Variants in ITGB2 observed in about 807,000 individuals in gnomAD.
ITGB2 encodes the protein integrin subunit beta 2.
In ITGB2, 56 loss-of-function variants were observed where a neutral mutation model predicts 86.8. The observed-to-expected ratio is 0.65, with a 90% CI of 0.52 to 0.81. ITGB2 has a LOEUF of 0.81. Ranked by LOEUF, ITGB2 falls within the 30% of genes least tolerant of loss-of-function variation. The pLI is 0.00. For missense variants in ITGB2, 948 were observed against 1,061.2 expected, an observed-to-expected ratio of 0.89 and a Z score of 1.48; for synonymous variants, 457 against 450.4, an observed-to-expected ratio of 1.01 and a Z score of -0.19.
rs1021483045 is a variant in ITGB2, at chr21:44,891,902, T to C, written c.1319A>G (p.Gln440Arg). ...ALGFTDIVTVQVLPQCECRCR... is the reference protein window; with the variant it reads ...ALGFTDIVTVRVLPQCECRCR... The stretch of plus-strand genomic sequence containing the variant: ...CCGGCACTCACACTGGGGAAGAACC[T>C]GCACGGTCACTATGTCCGTGAAGCC... The change falls in exon 11 of 16, where the codon CAG becomes CGG. Residue 440 changes from glutamine to arginine, a missense_variant. Physicochemically the swap from Gln to Arg is conservative, Grantham distance 43. Coordinates refer to ENST00000652462, the MANE Select transcript of ITGB2 (RefSeq NM_000211.5). The C allele has an allele frequency of 3.1e-6, 5 of 1,613,178 alleles. No individual in the cohort carries two copies. Among genetic ancestry groups the C allele is most frequent in the Admixed American group, 1.7e-5 (1 of 60,004 alleles).
exon 1 of ITGB2, chr21:44,928,760 T>C (rs113037763): frequency 0.061 from 10,018 of 163,608 alleles, 2,127 homozygotes; most frequent in African/African-American, 0.29. Flanking sequence ...TCATGGTTTC[T>C]GCCCAAACGG....
At chr21:44,914,215 C>T (rs2084171122) in intron 1 of ITGB2, 1 of 152,472 alleles carries the variant, frequency 6.6e-6, no homozygotes, top group Non-Finnish European at 1.5e-5. Context: ...GTGCAAAACC[C>T]AAAGCTGAGG....
At position 44,890,802 on chromosome 21, in the gene ITGB2, C is replaced by T. The variant is rs28659859; in HGVS notation, c.1413-580G>A. Among the ~76,000 whole-genome samples the T allele has an allele frequency of 2.5e-3, 377 of 152,224 alleles. 1 individual carries two copies. Among genetic ancestry groups the T allele is most frequent in the African/African-American group, 8.7e-3 (361 of 41,544 alleles). Reference sequence around the variant, plus strand: ...TCCCCAGAGGAGGAAGCTGCAGGACCGAGTGTCTGAGTACCTGTGGCAGGG... The same window carrying T: ...TCCCCAGAGGAGGAAGCTGCAGGACTGAGTGTCTGAGTACCTGTGGCAGGG... On this transcript the variant is annotated intron_variant, in intron 11 of 15. Transcript: ENST00000652462.
chr21:44,903,023 G>A lies in ITGB2; in HGVS notation c.499+342C>T, dbSNP rs186089759. Among the ~76,000 whole-genome samples the A allele has an allele frequency of 9.6e-4, 146 of 152,336 alleles. 3 individuals are homozygous for A. In the South Asian group the frequency reaches 0.014, roughly 14 times the overall value. On this transcript the variant is annotated intron_variant, in intron 5 of 15. Transcript: ENST00000652462. ...GTGTGGTTTCTTCAGTGCTGCCGTC[G>A]CTGTGCCGTCTATATGTGTTGTGGT...
intron 6 of ITGB2, 138 bp from the exon 7 acceptor site, chr21:44,900,613 AC>A: frequency 2.8e-6 from 3 of 1,054,790 alleles, no homozygotes; most frequent in Non-Finnish European, 4.1e-6. Context: ...GGTCTCAGGG[AC>A]CCAGCTGTGT....
intron 1 of ITGB2, 131 bp from the exon 2 acceptor site, chr21:44,910,916 G>A: frequency 1.1e-6 from 1 of 897,120 alleles, no homozygotes; most frequent in East Asian, 2.6e-5. Flanking sequence ...GTGGGTTAGG[G>A]TCAGGCCAGC....
At chr21:44,910,596 C>T in intron 2 of ITGB2, 129 bp downstream of exon 2, 1 of 1,383,476 alleles carries the variant, frequency 7.2e-7, no homozygotes, top group Non-Finnish European at 1.0e-6. Context: ...AGTCCCCGAC[C>T]TACCCCCAGT....
intron 9 of ITGB2, chr21:44,894,067 C>G: frequency 4.0e-6 from 1 of 249,264 alleles, no homozygotes. Context: ...TGAGAGGAGG[C>G]AGAGGGACAG....
At chr21:44,918,422 G>A (rs1051270443) in intron 1 of ITGB2, among the ~76,000 whole-genome samples, 2 of 152,258 alleles carry the variant, frequency 1.3e-5, no homozygotes, top group African/African-American at 4.8e-5. Flanking sequence ...ACAGACCTGG[G>A]CCTGGCAGGA....
At position 44,886,435 on chromosome 21, in the gene ITGB2, T is replaced by C. The variant is rs1452133660; in HGVS notation, c.2248-5A>G. ...GCTCTTGAAAAGGGGATTATCCTGG[T>C]GGGAAATGCAAACAGGGGCTTGTGA... On this transcript the variant is annotated splice_region_variant and splice_polypyrimidine_tract_variant and intron_variant, in intron 15 of 15. Coordinates refer to ENST00000652462, the MANE Select transcript of ITGB2 (RefSeq NM_000211.5). 11 of 1,613,902 alleles carry C rather than the reference T, an allele frequency of 6.8e-6. No individual in the cohort carries two copies. The highest frequency in any genetic ancestry group is 9.3e-6 in the Non-Finnish European group (11 of 1,179,878).
At chr21:44,905,397 G>C (rs1335860981) in intron 4 of ITGB2, among the ~76,000 whole-genome samples, 1 of 152,234 alleles carries the variant, frequency 6.6e-6, no homozygotes, top group East Asian at 1.9e-4. Context: ...ATGCATGCCA[G>C]GCCGTGGGCA....
chr21:44,919,027 G>GAGCGTCCCCTCTCCCTT (rs1568909693), intron 1 of ITGB2, among the ~76,000 whole-genome samples: 1 of 146,510 alleles, frequency 6.8e-6, no homozygotes, highest in African/African-American at 2.6e-5. Flanking sequence ...GGAGGCACCT[G>GAGCGTCCCCTCTCCCTT]CAGTTGCTCA....
rs1369578625 is a variant in ITGB2 at position 44,903,357 on chromosome 21, G to A, written c.499+8C>T. 1.9e-6 allele frequency: 3 copies of A among 1,613,918 alleles called. No individual in the cohort carries two copies. The highest frequency in any genetic ancestry group is 2.7e-5 in the African/African-American group (2 of 74,898). On this transcript the variant is annotated splice_region_variant and intron_variant, in intron 5 of 15. Coordinates refer to ENST00000652462, the MANE Select transcript of ITGB2 (RefSeq NM_000211.5). ...ACTGGGTTTTGTCCTGCAGTGCCTG[G>A]GCCTCACCAATGCGGCCGGACTCGG...
intron 1 of ITGB2, among the ~76,000 whole-genome samples, chr21:44,915,378 C>A (rs1241293892): frequency 6.6e-6 from 1 of 152,116 alleles, no homozygotes; most frequent in Non-Finnish European, 1.5e-5. Flanking sequence ...GCTTGAGGAA[C>A]CAGAGGCCCC....
At chr21:44,902,704 A>C (rs1379411965) in intron 5 of ITGB2, among the ~76,000 whole-genome samples, 1 of 141,736 alleles carries the variant, frequency 7.1e-6, no homozygotes, top group Non-Finnish European at 1.6e-5. Flanking sequence ...TTTGTGTGTG[A>C]GTGTGCATTG....
At chr21:44,899,328 T>C (rs1288974336) in intron 7 of ITGB2, among the ~76,000 whole-genome samples, 166 bp from the exon 8 acceptor site, 1 of 152,226 alleles carries the variant, frequency 6.6e-6, no homozygotes, top group Non-Finnish European at 1.5e-5. Flanking sequence ...GGCAGAGAGC[T>C]GCCACGCCCT....
Position 44,886,731 on chromosome 21 carries a change from C to T in ITGB2, c.2247+5G>A. The T allele has an allele frequency of 1.2e-6, 2 of 1,614,056 alleles. No homozygotes were observed. The highest frequency in any genetic ancestry group is 2.2e-5 in the East Asian group (1 of 44,882). ...TGCGTGGGACCCCCAAGGACGGCCA[C>T]TTACATTGTTCCACTGGGACTTGAG... On this transcript the variant is annotated splice_donor_5th_base_variant and intron_variant, in intron 15 of 15. Transcript: ENST00000652462.
At chr21:44,919,746 A>C (rs2084271358) in intron 1 of ITGB2, among the ~76,000 whole-genome samples, 1 of 151,924 alleles carries the variant, frequency 6.6e-6, no homozygotes, top group African/African-American at 2.4e-5. Context: ...CTCCCCACCC[A>C]GGAACTGACA....
intron 3 of ITGB2, among the ~76,000 whole-genome samples, chr21:44,908,580 G>A (rs985512210): frequency 5.9e-5 from 9 of 152,184 alleles, no homozygotes; most frequent in African/African-American, 2.2e-4. Flanking sequence ...GGACCCCTTA[G>A]AGTTGTAAGC....
Sources: allele counts gnomAD v4.1 joint callset (sites outside exome capture counted in the v4.1 genomes callset), GRCh38; gene constraint gnomAD v4.1.1; transcripts MANE v1.5; gene names NCBI Gene and HGNC (gene_info 2026-07-23, HGNC 2026-07-21).